Variants in STAG3 observed in about 807,000 individuals in gnomAD.
STAG3 encodes cohesin subunit SA-3.
A neutral mutation model predicts 160.7 loss-of-function variants in STAG3; 101 were observed. The observed-to-expected ratio is 0.63, with a 90% CI of 0.54 to 0.74. The LOEUF is 0.74. STAG3 is among the 30% of genes least tolerant of loss of function. The pLI is 0.00. For synonymous variants in STAG3, 519 were observed against 585.0 expected (o/e 0.89, Z 1.63); for missense variants, 1,188 against 1,517.4 (o/e 0.78, Z 3.61).
chr7:100,180,562 T>G lies in STAG3; in HGVS notation c.6T>G (p.Ser2=). M[S]SPLQRAVGDT... is the part of the protein sequence containing the mutation. ...ATAGCTCCTCCTCTCCAAGCATGTC[T>G]TCCCCGTTGCAAAGAGCTGTGGGAG... Residue 2 remains serine, a synonymous_variant, in exon 2 of 34, where the codon TCT becomes TCG. Transcript: ENST00000615138. 1 of 1,603,442 alleles carries G rather than the reference T, an allele frequency of 6.2e-7. No individual in the cohort carries two copies. The highest frequency in any genetic ancestry group is 2.2e-5 in the East Asian group (1 of 44,846).
In STAG3 at chr7:100,198,553, C is replaced by CT. The variant is rs1307902596; in HGVS notation, c.1324dup (p.Ser442PhefsTer15). 2 of 1,613,954 alleles carry CT rather than the reference C, an allele frequency of 1.2e-6. No individual in the cohort carries two copies. The highest frequency in any genetic ancestry group is 2.7e-5 in the African/African-American group (2 of 74,936). ...TGTATGCCTCTCATCGAGGCCTGGCCTCTGCCGCAGGCGAATTTCTGTACT... is the reference window on the plus strand; with the variant it reads ...TGTATGCCTCTCATCGAGGCCTGGCCTTCTGCCGCAGGCGAATTTCTGTACT... On this transcript the variant is annotated frameshift_variant, in exon 13 of 34. Transcript: ENST00000615138. LOFTEE classifies it high-confidence loss of function.
intron 1 of STAG3, among the ~76,000 whole-genome samples, chr7:100,180,150 G>A (rs1799549024): frequency 6.6e-6 from 1 of 152,054 alleles, no homozygotes; most frequent in Non-Finnish European, 1.5e-5. Flanking sequence ...TGAACTCCTG[G>A]ACTCAAGCAA....
intron 8 of STAG3, among the ~76,000 whole-genome samples, chr7:100,191,040 T>C (rs1272042497): frequency 1.3e-5 from 2 of 152,170 alleles, no homozygotes; most frequent in Non-Finnish European, 2.9e-5. Flanking sequence ...TTAAAGGATG[T>C]TCCCTTTCTC....
Position 100,186,196 on chromosome 7 carries a change from C to G in STAG3, c.337-4C>G. 6.2e-7 allele frequency: 1 copy of G among 1,609,098 alleles called. No homozygotes were observed. ...CAGAAGTCATCTACATTTTTTTTCCCTAGTCTTTGGTAGATGAGTGGCTGG... is the reference window on the plus strand; with the variant it reads ...CAGAAGTCATCTACATTTTTTTTCCGTAGTCTTTGGTAGATGAGTGGCTGG... On this transcript the variant is annotated splice_region_variant and splice_polypyrimidine_tract_variant and intron_variant, in intron 4 of 33. Coordinates refer to ENST00000615138, the MANE Select transcript of STAG3 (RefSeq NM_001282717.2).
Position 100,198,535 on chromosome 7 carries a change from C to T in STAG3, c.1305C>T (p.Ala435=). ...DCESVYPVVY[A]SHRGLASAAG... is the part of the protein sequence containing the mutation. ...AGAGCGTCTACCCAGTTGTGTATGC[C>T]TCTCATCGAGGCCTGGCCTCTGCCG... Residue 435 remains alanine (A), a synonymous_variant, in exon 13 of 34, where the codon GCC becomes GCT. Coordinates refer to ENST00000615138, the MANE Select transcript of STAG3 (RefSeq NM_001282717.2). 6.2e-7 allele frequency: 1 copy of T among 1,614,166 alleles called. No homozygotes were observed. Among genetic ancestry groups the T allele is most frequent in the South Asian group, 1.1e-5 (1 of 91,074 alleles).
At position 100,184,463 on chromosome 7, in the gene STAG3, G is replaced by GTTT. The variant is rs1554403741; in HGVS notation, c.336+1645_336+1647dup. 3.6e-3 allele frequency among the ~76,000 whole-genome samples: 358 copies of GTTT among 98,384 alleles called. 4 individuals are homozygous for GTTT. Among genetic ancestry groups the GTTT allele is most frequent in the Non-Finnish European group, 4.1e-3 (212 of 51,898 alleles). The allele number at this position is 98,384 out of a possible 152,430, so 64.5% of individuals were successfully genotyped here. A position where few individuals can be genotyped will look rare whatever the true frequency, so the allele number is the denominator to read the frequency against. ...TTATATGCAGTTGTACAGCGTGTTAGTTTTTTTTTTTTTTTTTTTTTTTGA... is the reference window on the plus strand; with the variant it reads ...TTATATGCAGTTGTACAGCGTGTTAGTTTTTTTTTTTTTTTTTTTTTTTTTTGA... On this transcript the variant is annotated intron_variant, in intron 4 of 33. Transcript: ENST00000615138.
At chr7:100,213,606 GGA>G in intron 32 of STAG3, 127 bp from the exon 33 acceptor site, 1 of 1,514,426 alleles carries the variant, frequency 6.6e-7, no homozygotes. Context: ...TTCCCTCCCA[GGA>G]GGTGCCATAG....
chr7:100,213,647 T>C (rs1182366053), intron 32 of STAG3, 88 bp from the exon 33 acceptor site: 14 of 1,600,434 alleles, frequency 8.7e-6, no homozygotes, highest in African/African-American at 1.3e-5. Flanking sequence ...TTTGTTCTTA[T>C]GAGGCTGGGA....
In STAG3 at chr7:100,211,818, A is replaced by G. The variant is rs2117541181; in HGVS notation, c.3542A>G (p.Glu1181Gly). The change falls in exon 32 of 34, where the codon GAG (glutamate) becomes GGG (glycine). Residue 1181 changes from glutamate to glycine, a missense_variant. Physicochemically the swap from Glu to Gly is moderately conservative, Grantham distance 98. Transcript: ENST00000615138. ...AGACTCAGCCTTATGGAAGAGGACG[A>G]GGAAGAAGAGTTAGAAATCCAGGAT... ...LMRLSLMEED[E>G]EEELEIQDES... 1.2e-6 allele frequency: 2 copies of G among 1,614,142 alleles called. No individual in the cohort carries two copies. Among genetic ancestry groups the G allele is most frequent in the East Asian group, 4.5e-5 (2 of 44,876 alleles).
chr7:100,179,896 C>T (rs1212899206), intron 1 of STAG3, among the ~76,000 whole-genome samples: 5 of 152,108 alleles, frequency 3.3e-5, no homozygotes, highest in South Asian at 2.1e-4. Context: ...CCACCACACC[C>T]GGATAATTTT....
chr7:100,200,885 C>G lies in STAG3; in HGVS notation c.1977C>G (p.Phe659Leu). Residue 659 changes from phenylalanine to leucine, a missense_variant, in exon 19 of 34, where the codon TTC becomes TTG. Phe to Leu is a conservative substitution (Grantham distance 22). Coordinates refer to ENST00000615138, the MANE Select transcript of STAG3 (RefSeq NM_001282717.2). The part of the protein sequence containing the change: ...LYLLCNPEFT[F>L]FSRADFARSQ... ...TGCTCTGTAATCCCGAATTCACTTT[C>G]TTCAGCCGGGCGGACTTTGCCCGCA... 1 of 1,614,240 alleles carries G rather than the reference C, an allele frequency of 6.2e-7. No individual in the cohort carries two copies. Among genetic ancestry groups the G allele is most frequent in the South Asian group, 1.1e-5 (1 of 91,084 alleles).
intron 16 of STAG3, 114 bp downstream of exon 16, chr7:100,199,758 C>T: frequency 2.4e-6 from 2 of 844,822 alleles, no homozygotes; most frequent in Non-Finnish European, 3.6e-6. Context: ...TAAAGAATTT[C>T]ATTTCCAGAA....
At chr7:100,188,048 A>G (rs6465766) in intron 5 of STAG3, among the ~76,000 whole-genome samples, 47,240 of 152,020 alleles carry the variant, frequency 0.31, 8,070 homozygotes, top group East Asian at 0.66. Context: ...GACCGACTGC[A>G]CCCGGCTGGC....
chr7:100,218,350 A>G (rs768723636), downstream of STAG3: 1 of 180,660 alleles, frequency 5.5e-6, no homozygotes, highest in Non-Finnish European at 1.1e-5. Flanking sequence ...GCTATAATCT[A>G]TTTCTAGTAT....
intron 32 of STAG3, 82 bp downstream of exon 32, chr7:100,211,958 C>T (rs992777839): frequency 4.2e-5 from 54 of 1,300,360 alleles, no homozygotes; most frequent in East Asian, 7.2e-5. Context: ...CCCCTCTCTC[C>T]GCTCGGTGAT....
rs185854174 is a variant in STAG3 at position 100,180,915 on chromosome 7, T to C, written c.116+243T>C. On this transcript the variant is annotated intron_variant, in intron 2 of 33. Transcript: ENST00000615138. ...TTTTTTTTGAGACGGAGTCTCGCCCTGTCGCCCAGGCTGGAGTGCAGTGGC... is the reference window on the plus strand; with the variant it reads ...TTTTTTTTGAGACGGAGTCTCGCCCCGTCGCCCAGGCTGGAGTGCAGTGGC... 81 of 324,262 alleles carry C rather than the reference T, an allele frequency of 2.5e-4. 1 individual carries two copies. The East Asian group carries it at 5.3e-3, about 21-fold the overall frequency. The allele number at this position is 324,262 out of a possible 1,614,324, so 20.1% of individuals were successfully genotyped here.
intron 29 of STAG3, among the ~76,000 whole-genome samples, chr7:100,208,593 C>A (rs971410020): frequency 2.6e-5 from 4 of 152,134 alleles, no homozygotes; most frequent in Non-Finnish European, 5.9e-5. Context: ...ACAAGCAAAG[C>A]ATAGAAGGCT....
At chr7:100,178,931 C>T (rs1413941750) in intron 1 of STAG3, among the ~76,000 whole-genome samples, 3 of 151,640 alleles carry the variant, frequency 2.0e-5, no homozygotes, top group Non-Finnish European at 4.4e-5. Flanking sequence ...TGGGCTCAGG[C>T]GATCGTCCCG....
In STAG3 at chr7:100,211,479, C is replaced by T; in HGVS notation, c.3458C>T (p.Pro1153Leu). 1.2e-6 allele frequency: 2 copies of T among 1,613,948 alleles called. No individual in the cohort carries two copies. Among genetic ancestry groups the T allele is most frequent in the Non-Finnish European group, 1.7e-6 (2 of 1,179,998 alleles). Residue 1153 changes from proline to leucine, a missense_variant, in exon 31 of 34, where the codon CCA becomes CTA. Physicochemically the swap from Pro to Leu is moderately conservative, Grantham distance 98. Coordinates refer to ENST00000615138, the MANE Select transcript of STAG3 (RefSeq NM_001282717.2). The stretch of plus-strand genomic sequence containing the variant: ...ACCGAGAGGTCAAGGTTCTTGGGTC[C>T]ACAATATTTCCAGACTCCACACAAC... ...AGTERSRFLGPQYFQTPHNPS... is the reference protein window; with the variant it reads ...AGTERSRFLGLQYFQTPHNPS...
Sources: allele counts gnomAD v4.1 joint callset (sites outside exome capture counted in the v4.1 genomes callset), GRCh38; gene constraint gnomAD v4.1.1; transcripts MANE v1.5; gene names NCBI Gene and HGNC (gene_info 2026-07-23, HGNC 2026-07-21).